VEZT: variants seen among roughly 807,000 people sequenced by gnomAD.
VEZT encodes the protein vezatin, adherens junctions transmembrane protein.
A neutral mutation model predicts 79.9 loss-of-function variants in VEZT; 39 were observed. The ratio of observed to expected loss-of-function variants is 0.49; its 90% confidence interval spans 0.38 to 0.64. The LOEUF (loss-of-function observed/expected upper bound fraction) is 0.64. VEZT is among the 30% of genes least tolerant of loss of function. The pLI is 0.00. For synonymous variants in VEZT, 325 were observed against 327.6 expected (o/e 0.99, Z 0.09); for missense variants, 837 against 893.1 (o/e 0.94, Z 0.80).
In VEZT at chr12:95,262,854, A is replaced by G. The variant is rs1049016981; in HGVS notation, c.259-52A>G. On this transcript the variant is annotated intron_variant, in intron 3 of 11. Coordinates refer to ENST00000436874, the MANE Select transcript of VEZT (RefSeq NM_017599.4). ...TAGTACATTAGGAGCTTAGCGTTTAATGCAATATTATATATGTGTTAATAC... is the reference window on the plus strand; with the variant it reads ...TAGTACATTAGGAGCTTAGCGTTTAGTGCAATATTATATATGTGTTAATAC... 4 of 1,413,974 alleles carry G rather than the reference A, an allele frequency of 2.8e-6. No individual in the cohort carries two copies. In the African/African-American group the frequency reaches 5.7e-5, roughly 20 times the overall value. The allele number at this position is 1,413,974 out of a possible 1,614,324, so 87.6% of individuals were successfully genotyped here. A position where few individuals can be genotyped will look rare whatever the true frequency, so the allele number is the denominator to read the frequency against.
intron 3 of VEZT, among the ~76,000 whole-genome samples, chr12:95,257,446 TGATA>T (rs770018948): frequency 1.3e-5 from 2 of 152,198 alleles, no homozygotes; most frequent in Non-Finnish European, 2.9e-5. Context: ...TGGAATACTC[TGATA>T]GTTATTGAAA....
Position 95,296,262 on chromosome 12 carries a change from A to C in VEZT, c.1831+4A>C. The C allele has an allele frequency of 6.4e-7, 1 of 1,570,852 alleles. No homozygotes were observed. Among genetic ancestry groups the C allele is most frequent in the South Asian group, 1.2e-5 (1 of 84,476 alleles). On this transcript the variant is annotated splice_donor_region_variant and intron_variant, in intron 11 of 11. Transcript: ENST00000436874. The stretch of plus-strand genomic sequence containing the variant: ...CAACTTCTATTTAGTGATCATGGTA[A>C]GCACTGACTTTAAAGTAACAGGTTA...
chr12:95,300,402 T>G lies in VEZT; in HGVS notation c.2069T>G (p.Met690Arg), dbSNP rs2075059314. The G allele has an allele frequency of 8.7e-6, 14 of 1,613,984 alleles. No homozygotes were observed. The highest frequency in any genetic ancestry group is 1.2e-5 in the Non-Finnish European group (14 of 1,179,888). The stretch of plus-strand genomic sequence containing the variant: ...TTCCCCCAAGGAGCAGAAGAAAGAA[T>G]GTGTTACCAATGTGAGAGTGAAGAT... ...EVFPQGAEER[M>R]CYQCESEDEP... Residue 690 changes from methionine to arginine, a missense_variant, in exon 12 of 12, where the codon ATG becomes AGG. Met to Arg is a moderately conservative substitution (Grantham distance 91, BLOSUM62 -1). Coordinates refer to ENST00000436874, the MANE Select transcript of VEZT (RefSeq NM_017599.4).
At chr12:95,263,874 C>G (rs537135274) in intron 4 of VEZT, 1 of 152,066 alleles carries the variant, frequency 6.6e-6, no homozygotes, top group East Asian at 1.9e-4. Flanking sequence ...TCAGACCATC[C>G]TAAAACTTTT....
chr12:95,260,463 C>T (rs552814694), intron 3 of VEZT, among the ~76,000 whole-genome samples: 2 of 152,102 alleles, frequency 1.3e-5, no homozygotes, highest in South Asian at 2.1e-4. Flanking sequence ...CCTCTAAGCA[C>T]GTTGGTTTTG....
chr12:95,262,170 A>G (rs2064663100), intron 3 of VEZT: 1 of 152,138 alleles, frequency 6.6e-6, no homozygotes, highest in African/African-American at 2.4e-5. Flanking sequence ...TGCCATTTTC[A>G]TAGTACTCTA....
chr12:95,260,779 G>A (rs535488098), intron 3 of VEZT, among the ~76,000 whole-genome samples: 3 of 152,162 alleles, frequency 2.0e-5, no homozygotes, highest in Non-Finnish European at 4.4e-5. Flanking sequence ...ATCAATTTCA[G>A]AGATTACTCA....
chr12:95,228,382 G>T (rs1192165856), intron 1 of VEZT, among the ~76,000 whole-genome samples: 1 of 151,958 alleles, frequency 6.6e-6, no homozygotes, highest in Admixed American at 6.6e-5. Flanking sequence ...TTGTATTATT[G>T]ATTTGACCAA....
chr12:95,291,847 G>A (rs915190797), intron 9 of VEZT, among the ~76,000 whole-genome samples: 6 of 152,124 alleles, frequency 3.9e-5, no homozygotes, highest in African/African-American at 1.4e-4. Context: ...GCTGGAGTGT[G>A]GAGTGCATTG....
chr12:95,274,268 C>T (rs149974479), intron 6 of VEZT, among the ~76,000 whole-genome samples: 356 of 152,212 alleles, frequency 2.3e-3, no homozygotes, highest in Middle Eastern at 6.8e-3. Context: ...AGTTCAAGAC[C>T]AGCCTGGACA....
chr12:95,245,675 G>A (rs2061621306), intron 1 of VEZT: 1 of 404,634 alleles, frequency 2.5e-6, no homozygotes, highest in Non-Finnish European at 4.9e-6. Context: ...TTAAAAGAGT[G>A]AAGCTAATAA....
chr12:95,262,879 C>A, intron 3 of VEZT, 27 bp from the exon 4 acceptor site: 3 of 1,541,484 alleles, frequency 1.9e-6, no homozygotes, highest in African/African-American at 1.4e-5. Context: ...TGTGTTAATA[C>A]CTCTCTTCTG....
chr12:95,287,382 CTA>C (rs2071239839), intron 8 of VEZT, among the ~76,000 whole-genome samples: 1 of 151,876 alleles, frequency 6.6e-6, no homozygotes, highest in Admixed American at 6.6e-5. Context: ...TGCAGTGGCG[CTA>C]TTGTGGCTCA....
intron 1 of VEZT, among the ~76,000 whole-genome samples, chr12:95,234,364 C>T (rs950690861): frequency 2.6e-5 from 4 of 151,168 alleles, no homozygotes; most frequent in Non-Finnish European, 5.9e-5. Context: ...CTGGGCTCAC[C>T]GCAACCTCCC....
chr12:95,262,403 G>A (rs1236017972), intron 3 of VEZT: 4 of 152,264 alleles, frequency 2.6e-5, no homozygotes, highest in African/African-American at 9.6e-5. Flanking sequence ...AAGGCATTTT[G>A]TAAACTATAA....
chr12:95,289,214 G>A (rs1056365001), intron 9 of VEZT, among the ~76,000 whole-genome samples: 2 of 151,066 alleles, frequency 1.3e-5, no homozygotes, highest in South Asian at 2.1e-4. Flanking sequence ...TCAGGAGATC[G>A]AGACCATCCT....
At chr12:95,279,186 G>A (rs985982687) in intron 7 of VEZT, among the ~76,000 whole-genome samples, 3 of 152,132 alleles carry the variant, frequency 2.0e-5, no homozygotes, top group Non-Finnish European at 4.4e-5. Context: ...TACACATTGA[G>A]GTTGAGCATC....
intron 1 of VEZT, among the ~76,000 whole-genome samples, chr12:95,234,284 CTT>C (rs10587022): frequency 0.32 from 38,889 of 122,772 alleles, 4,441 homozygotes; most frequent in Non-Finnish European, 0.37. Context: ...TATCAATAAT[CTT>C]TTTTTTTTTT....
intron 2 of VEZT, among the ~76,000 whole-genome samples, chr12:95,256,803 C>G (rs1396502257): frequency 1.3e-5 from 2 of 152,196 alleles, no homozygotes; most frequent in African/African-American, 4.8e-5. Flanking sequence ...ATCATGTTGA[C>G]ATAGTACATA....
Sources: gnomAD v4.1 joint callset for allele counts (sites outside exome capture counted in the v4.1 genomes callset) on GRCh38, gnomAD v4.1.1 for gene constraint, MANE v1.5 for transcripts, NCBI Gene and HGNC (gene_info 2026-07-23, HGNC 2026-07-21) for gene names.